The following RGS6 variants were observed in gnomAD, a reference collection of about 807,000 sequenced individuals.
RGS6 encodes the protein regulator of G protein signaling 6.
RGS6 carries 30 observed loss-of-function variants against 78.5 expected under a neutral mutation model. The observed-to-expected ratio is 0.38, with a 90% CI of 0.29 to 0.52. The LOEUF (loss-of-function observed/expected upper bound fraction) is 0.52, where lower values mean the gene tolerates loss of function less well. Ranked by LOEUF, RGS6 falls within the 20% of genes least tolerant of loss-of-function variation. The pLI, the probability that RGS6 is intolerant of heterozygous loss-of-function variation, is 0.85. For synonymous variants in RGS6, 206 were observed against 206.0 expected, an observed-to-expected ratio of 1.00 and a Z score of 0.00; for missense variants, 495 against 609.7, an observed-to-expected ratio of 0.81 and a Z score of 1.98.
chr14:72,038,158 C>T (rs576876356), intron 2 of RGS6, among the ~76,000 whole-genome samples: 10 of 151,920 alleles, frequency 6.6e-5, no homozygotes, highest in South Asian at 4.2e-4. Flanking sequence ...TTAATAGAGA[C>T]GAGGTTTCAC....
At chr14:72,017,316 T>G (rs1231376516) in intron 2 of RGS6, among the ~76,000 whole-genome samples, 1 of 152,252 alleles carries the variant, frequency 6.6e-6, no homozygotes, top group African/African-American at 2.4e-5. Context: ...CTTGCTGAAC[T>G]CATTAATTTT....
chr14:72,547,457 T>A, intron 17 of RGS6: 2 of 766,856 alleles, frequency 2.6e-6, no homozygotes, highest in Admixed American at 2.3e-5. Flanking sequence ...AAAATAGTGA[T>A]GAGTGTCCCT....
intron 2 of RGS6, among the ~76,000 whole-genome samples, chr14:72,268,710 G>A (rs139502757): frequency 6.6e-6 from 1 of 152,200 alleles, no homozygotes; most frequent in Non-Finnish European, 1.5e-5. Flanking sequence ...GACTTTAGGT[G>A]AGAAAGAATG....
At chr14:71,884,110 C>T in the RGS6 span, among the ~76,000 whole-genome samples, 2 of 152,190 alleles carry the variant, frequency 1.3e-5, no homozygotes, top group Admixed American at 1.3e-4. Context: ...CCTCTCTTAG[C>T]ATCTGGTTTG....
the RGS6 span, among the ~76,000 whole-genome samples, chr14:71,873,202 T>C: frequency 6.6e-5 from 10 of 152,176 alleles, no homozygotes; most frequent in Admixed American, 6.5e-4. Flanking sequence ...TTCTAGATCC[T>C]TGAGGAATCG....
intron 3 of RGS6, among the ~76,000 whole-genome samples, chr14:72,354,936 A>G (rs2079937843): frequency 1.3e-5 from 2 of 152,030 alleles, no homozygotes; most frequent in Non-Finnish European, 2.9e-5. Flanking sequence ...ATGTAATTTT[A>G]CTATATTATT....
At chr14:71,936,615 A>G (rs1332891916) in intron 1 of RGS6, among the ~76,000 whole-genome samples, 2 of 152,224 alleles carry the variant, frequency 1.3e-5, no homozygotes, top group African/African-American at 4.8e-5. Flanking sequence ...TGCATAACAT[A>G]ATACAACTAT....
intron 2 of RGS6, among the ~76,000 whole-genome samples, chr14:72,005,894 G>A (rs1247730534): frequency 1.3e-5 from 2 of 151,316 alleles, no homozygotes; most frequent in East Asian, 1.9e-4. Flanking sequence ...CTTAAGCAAA[G>A]TTTGGCCTTT....
At chr14:72,498,250 T>G (rs577842080) in intron 13 of RGS6, among the ~76,000 whole-genome samples, 1 of 152,346 alleles carries the variant, frequency 6.6e-6, no homozygotes, top group African/African-American at 2.4e-5. Flanking sequence ...AGTTTATATT[T>G]TTTCCATATT....
At chr14:72,319,003 A>G (rs1278071496) in intron 2 of RGS6, among the ~76,000 whole-genome samples, 5 of 152,234 alleles carry the variant, frequency 3.3e-5, no homozygotes, top group Admixed American at 6.5e-5. Flanking sequence ...CCTGACTCCT[A>G]TCCCACAAAA....
chr14:72,214,152 A>G (rs1388396174), intron 2 of RGS6, among the ~76,000 whole-genome samples: 2 of 151,986 alleles, frequency 1.3e-5, no homozygotes, highest in Non-Finnish European at 2.9e-5. Context: ...GCCAGAAGAA[A>G]AAAAACTACA....
At chr14:72,353,982 T>TCAACAACAACAA (rs10658025) in intron 3 of RGS6, among the ~76,000 whole-genome samples, 1 of 148,668 alleles carries the variant, frequency 6.7e-6, no homozygotes, top group Non-Finnish European at 1.5e-5. Context: ...AGACTCTGTC[T>TCAACAACAACAA]CAGCAACAAC....
At chr14:72,203,821 C>CTTTTTTTTTTTTTT (rs142494669) in intron 2 of RGS6, among the ~76,000 whole-genome samples, 1 of 106,742 alleles carries the variant, frequency 9.4e-6, no homozygotes, top group Non-Finnish European at 2.0e-5. Flanking sequence ...TTCTTTCTTT[C>CTTTTTTTTTTTTTT]TTTTTTTTTT....
intron 2 of RGS6, among the ~76,000 whole-genome samples, chr14:72,233,703 A>AT (rs1379079222): frequency 7.9e-5 from 12 of 152,154 alleles, no homozygotes; most frequent in Admixed American, 7.9e-4. Context: ...GGACAGCATG[A>AT]TGTCTCCTGC....
Position 72,474,701 on chromosome 14 carries a change from T to C in RGS6, c.693+2T>C. On this transcript the variant is annotated splice_donor_variant, in intron 10 of 17. Coordinates refer to ENST00000553525, the MANE Select transcript of RGS6 (RefSeq NM_001204424.2). LOFTEE classifies it high-confidence loss of function. The stretch of plus-strand genomic sequence containing the variant: ...AAGAATCCACAAAAGGTTAAAAAGG[T>C]TCGCTAGTTTAGCTGAGTTAAAAAT... 6.2e-7 allele frequency: 1 copy of C among 1,613,168 alleles called. No individual in the cohort carries two copies. Among genetic ancestry groups the C allele is most frequent in the East Asian group, 2.2e-5 (1 of 44,842 alleles).
intron 13 of RGS6, among the ~76,000 whole-genome samples, chr14:72,503,554 T>C (rs1002355685): frequency 2.0e-5 from 3 of 151,198 alleles, no homozygotes; most frequent in African/African-American, 7.4e-5. Flanking sequence ...AGGTATAGGA[T>C]AGACATTTTC....
chr14:72,455,766 T>C (rs187196962), intron 4 of RGS6, among the ~76,000 whole-genome samples: 1 of 152,320 alleles, frequency 6.6e-6, no homozygotes. Flanking sequence ...AGCCTGTACT[T>C]CTGAGTGTCC....
intron 2 of RGS6, among the ~76,000 whole-genome samples, chr14:72,111,144 C>A (rs938991547): frequency 7.2e-5 from 11 of 152,170 alleles, no homozygotes; most frequent in African/African-American, 2.4e-4. Flanking sequence ...AATCTGTGAT[C>A]CTTTCCTTCC....
chr14:72,166,093 GACACACACAC>G (rs3055029), intron 2 of RGS6, among the ~76,000 whole-genome samples: 245 of 107,790 alleles, frequency 2.3e-3, no homozygotes, highest in African/African-American at 6.0e-3. Flanking sequence ...CCATTTTTGA[GACACACACAC>G]ACACACACAC....
Sources: allele counts gnomAD v4.1 joint callset (sites outside exome capture counted in the v4.1 genomes callset), GRCh38; gene constraint gnomAD v4.1.1; transcripts MANE v1.5; gene names NCBI Gene and HGNC (gene_info 2026-07-23, HGNC 2026-07-21).